Variants in GLB1L observed in about 807,000 individuals in gnomAD.
GLB1L encodes the protein galactosidase beta 1 like, also known as beta-galactosidase-1-like protein.
Under a neutral mutation model 75.7 loss-of-function variants are expected in GLB1L, and 58 were observed. The observed-to-expected ratio is 0.77, with a 90% CI of 0.62 to 0.95. The LOEUF (loss-of-function observed/expected upper bound fraction) is 0.95, where lower values mean the gene tolerates loss of function less well. Ranked by LOEUF, GLB1L falls within the 40% of genes least tolerant of loss-of-function variation. The pLI is 0.00. For missense variants in GLB1L, 797 were observed against 805.5 expected (o/e 0.99, Z 0.13); for synonymous variants, 296 against 303.0 (o/e 0.98, Z 0.24).
Position 219,243,206 on chromosome 2 carries a change from C to A in GLB1L, c.181G>T (p.Val61Leu). ...GSLHYFRVPR[V>L]LWADRLLKMR... ...TTCAAAAGCCGGTCGGCCCAAAGCACCCGCGGTACCCGAAAGTAGTGCAGG... is the reference window on the plus strand; with the variant it reads ...TTCAAAAGCCGGTCGGCCCAAAGCAACCGCGGTACCCGAAAGTAGTGCAGG... The change falls in exon 3 of 17, where the codon GTG (valine) becomes TTG (leucine). Residue 61 changes from valine to leucine, a missense_variant. Transcript: ENST00000295759. 1 of 1,614,066 alleles carries A rather than the reference C, an allele frequency of 6.2e-7. No individual in the cohort carries two copies. Among genetic ancestry groups the A allele is most frequent in the Non-Finnish European group, 8.5e-7 (1 of 1,179,962 alleles).
rs1203130556 is a variant in GLB1L at position 219,242,793 on chromosome 2, G to T, written c.365C>A (p.Pro122His). 1.2e-6 allele frequency: 2 copies of T among 1,614,204 alleles called. No homozygotes were observed. Among genetic ancestry groups the T allele is most frequent in the Non-Finnish European group, 1.7e-6 (2 of 1,180,038 alleles). ...CATCTCCCACTCTGCACAGATGTAA[G>T]GTCCTGGTCTCAGTATGACCAACAG... The part of the protein sequence containing the change: ...ANLLVILRPG[P>H]YICAEWEMGG... Residue 122 changes from proline to histidine, a missense_variant, in exon 4 of 17, where the codon CCT (proline) becomes CAT (histidine). Physicochemically the swap from Pro to His is moderately conservative, Grantham distance 77. Transcript: ENST00000295759.
intron 4 of GLB1L, 45 bp downstream of exon 4, chr2:219,242,723 A>C (rs764740081): frequency 1.2e-6 from 2 of 1,609,566 alleles, no homozygotes; most frequent in East Asian, 4.5e-5. Flanking sequence ...TAGTCTAGGA[A>C]CTGCACAAGG....
In GLB1L at chr2:219,236,604, G is replaced by A; in HGVS notation, c.*468C>T. ...AAAGACAGGGCTAGAGGTATGTGGA[G>A]CTGGTACTGTCTCTGGAATTTTAAT... On this transcript the variant is annotated 3_prime_UTR_variant, in exon 17 of 17. Coordinates refer to ENST00000295759, the MANE Select transcript of GLB1L (RefSeq NM_001286423.2). 4 of 926,474 alleles carry A rather than the reference G, an allele frequency of 4.3e-6. No homozygotes were observed. In the South Asian group the frequency reaches 7.3e-5, roughly 17 times the overall value. 57.4% of individuals were successfully genotyped at this position (926,474 alleles called of 1,614,324 possible).
chr2:219,238,279 G>A lies in GLB1L; in HGVS notation c.1312C>T (p.His438Tyr). The change falls in exon 14 of 17, where the codon CAT becomes TAT. Residue 438 changes from histidine to tyrosine, a missense_variant. His to Tyr is a moderately conservative substitution (Grantham distance 83, BLOSUM62 2). Transcript: ENST00000295759. ...TPFWVPNNGV[H>Y]DRAYVMVDGV... Reference sequence around the variant, plus strand: ...TCCACCATCACATAGGCACGGTCATGGACTCCATTATTTGGCACCCAGAAT... The same window carrying A: ...TCCACCATCACATAGGCACGGTCATAGACTCCATTATTTGGCACCCAGAAT... The A allele has an allele frequency of 1.9e-6, 3 of 1,611,858 alleles. No individual in the cohort carries two copies. The highest frequency in any genetic ancestry group is 2.2e-5 in the South Asian group (2 of 90,870).
At position 219,239,106 on chromosome 2, in the gene GLB1L, C is replaced by A. The variant is rs1227217431; in HGVS notation, c.1048G>T (p.Asp350Tyr). The change falls in exon 11 of 17, where the codon GAT becomes TAT. Residue 350 changes from aspartate to tyrosine, a missense_variant. Physicochemically the swap from Asp to Tyr is radical, Grantham distance 160 (BLOSUM62 -3). Transcript: ENST00000295759. ...TGGTAGGGTACCTTGCTGATGACAT[C>A]TCGAAGAGCAAAAAGCTTAGGTGTG... ...DPTPKLFALR[D>Y]VISKFQEVPL... 4 of 1,609,654 alleles carry A rather than the reference C, an allele frequency of 2.5e-6. No individual in the cohort carries two copies. The highest frequency in any genetic ancestry group is 3.4e-6 in the Non-Finnish European group (4 of 1,176,304).
In GLB1L at chr2:219,243,260, C is replaced by A. The variant is rs773279693; in HGVS notation, c.127G>T (p.Gly43Trp). The A allele has an allele frequency of 2.1e-5, 34 of 1,613,504 alleles. No homozygotes were observed. The highest frequency in any genetic ancestry group is 1.0e-4 in the Admixed American group (6 of 59,948). The change falls in exon 3 of 17, where the codon GGG (glycine) becomes TGG (tryptophan). Residue 43 changes from glycine (G) to tryptophan (W), a missense_variant. Coordinates refer to ENST00000295759, the MANE Select transcript of GLB1L (RefSeq NM_001286423.2). ...DRGHDRFLLD[G>W]APFRYVSGSL... ...CCAGACACATAGCGGAACGGGGCCC[C>A]GTCTAGGAGAAACCGGTCATGACCC...
intron 9 of GLB1L, 22 bp from the exon 10 acceptor site, chr2:219,239,473 G>T: frequency 6.2e-7 from 1 of 1,610,372 alleles, no homozygotes; most frequent in Non-Finnish European, 8.5e-7. Flanking sequence ...GAGGGTGGGG[G>T]AACAGGTAAA....
chr2:219,242,857 C>T lies in GLB1L; in HGVS notation c.301G>A (p.Asp101Asn). 6.2e-7 allele frequency: 1 copy of T among 1,614,186 alleles called. No homozygotes were observed. The highest frequency in any genetic ancestry group is 8.5e-7 in the Non-Finnish European group (1 of 1,180,020). ...GCCTCATTCAGAAAGGCAATGAGGT[C>T]CCGGCTGCCATTAAAGTTATAGACC... ...PGVYNFNGSR[D>N]LIAFLNEAAL... The change falls in exon 4 of 17, where the codon GAC (aspartate) becomes AAC (asparagine). Residue 101 changes from aspartate to asparagine, a missense_variant. Physicochemically the swap from Asp to Asn is conservative, Grantham distance 23. Coordinates refer to ENST00000295759, the MANE Select transcript of GLB1L (RefSeq NM_001286423.2).
rs772491778 is a variant in GLB1L, at chr2:219,238,795, C to T, written c.1063-16G>A. On this transcript the variant is annotated splice_polypyrimidine_tract_variant and intron_variant, in intron 11 of 16. Coordinates refer to ENST00000295759, the MANE Select transcript of GLB1L (RefSeq NM_001286423.2). ...CTTCCTGGAACTGAGCCCAGATTCT[C>T]TCAGGATCCATAGGAAAACCACAGA... 29 of 1,605,522 alleles carry T rather than the reference C, an allele frequency of 1.8e-5. No individual in the cohort carries two copies. The highest frequency in any genetic ancestry group is 2.6e-6 in the Non-Finnish European group (3 of 1,175,714).
Position 219,236,611 on chromosome 2 carries a change from C to A in GLB1L, c.*461G>T. The A allele has an allele frequency of 1.1e-6, 1 of 880,368 alleles. No individual in the cohort carries two copies. Among genetic ancestry groups the A allele is most frequent in the Non-Finnish European group, 1.7e-6 (1 of 599,514 alleles). The allele number at this position is 880,368 out of a possible 1,614,324, so 54.5% of individuals were successfully genotyped here. A position where few individuals can be genotyped will look rare whatever the true frequency, so the allele number is the denominator to read the frequency against. On this transcript the variant is annotated 3_prime_UTR_variant, in exon 17 of 17. Transcript: ENST00000295759. ...GGGCTAGAGGTATGTGGAGCTGGTA[C>A]TGTCTCTGGAATTTTAATCACAATA...
At chr2:219,240,121 C>T in intron 6 of GLB1L, 27 bp from the exon 7 acceptor site, 1 of 1,614,084 alleles carries the variant, frequency 6.2e-7, no homozygotes, top group Non-Finnish European at 8.5e-7. Context: ...AAAGTGGAAC[C>T]CAGCTATGGG....
In GLB1L at chr2:219,243,187, A is replaced by G. The variant is rs1452438825; in HGVS notation, c.200T>C (p.Leu67Pro). Residue 67 changes from leucine (L) to proline (P), a missense_variant, in exon 3 of 17, where the codon CTT becomes CCT. Leu to Pro is a moderately conservative substitution (Grantham distance 98). Coordinates refer to ENST00000295759, the MANE Select transcript of GLB1L (RefSeq NM_001286423.2). ...GAGGCCGCTCCATCGCATCTTCAAA[A>G]GCCGGTCGGCCCAAAGCACCCGCGG... Reference protein sequence around the residue: ...RVPRVLWADRLLKMRWSGLNA... With the variant: ...RVPRVLWADRPLKMRWSGLNA... The G allele has an allele frequency of 6.2e-7, 1 of 1,613,368 alleles. No homozygotes were observed. Among genetic ancestry groups the G allele is most frequent in the East Asian group, 2.2e-5 (1 of 44,870 alleles).
In GLB1L at chr2:219,243,488, C is replaced by A; in HGVS notation, c.72+14G>T. The A allele has an allele frequency of 3.7e-6, 6 of 1,614,102 alleles. No homozygotes were observed. The highest frequency in any genetic ancestry group is 5.1e-6 in the Non-Finnish European group (6 of 1,179,920). On this transcript the variant is annotated intron_variant, in intron 2 of 16. Transcript: ENST00000295759. Reference sequence around the variant, plus strand: ...TCACCGCACCCGGCAGGCTGGTTCACCGTCTCATCTTACCTGGGGCAGCAG... The same window carrying A: ...TCACCGCACCCGGCAGGCTGGTTCAACGTCTCATCTTACCTGGGGCAGCAG...
chr2:219,237,930 T>C lies in GLB1L; in HGVS notation c.1369A>G (p.Met457Val), dbSNP rs1387280613. The C allele has an allele frequency of 1.9e-6, 3 of 1,614,132 alleles. No homozygotes were observed. The highest frequency in any genetic ancestry group is 3.3e-5 in the Admixed American group (2 of 60,014). ...GVFQGVVERN[M>V]RDKLFLTGKL... ...CCCGTCAAAAATAGTTTGTCTCTCA[T>C]ATTTCGCTCCACAACACCCTGGAAC... is the stretch of plus-strand genomic sequence containing the variant. Residue 457 changes from methionine (M) to valine (V), a missense_variant, in exon 15 of 17, where the codon ATG becomes GTG. Coordinates refer to ENST00000295759, the MANE Select transcript of GLB1L (RefSeq NM_001286423.2).
chr2:219,239,861 T>A, intron 7 of GLB1L, 28 bp from the exon 8 acceptor site: 1 of 1,614,124 alleles, frequency 6.2e-7, no homozygotes, highest in Non-Finnish European at 8.5e-7. Context: ...AAGAAAAAGA[T>A]AAATGTCGTG....
At chr2:219,245,171 G>C (rs1361669523) in intron 1 of GLB1L, 58 bp downstream of exon 1, 2 of 152,442 alleles carry the variant, frequency 1.3e-5, no homozygotes, top group Non-Finnish European at 2.9e-5. Context: ...CCCCCTCCAG[G>C]CTGCAGTGTA....
chr2:219,237,885 C>A lies in GLB1L; in HGVS notation c.1414G>T (p.Asp472Tyr). 6.2e-7 allele frequency: 1 copy of A among 1,614,146 alleles called. No individual in the cohort carries two copies. The highest frequency in any genetic ancestry group is 8.5e-7 in the Non-Finnish European group (1 of 1,180,028). The change falls in exon 15 of 17, where the codon GAT becomes TAT. Residue 472 changes from aspartate to tyrosine, a missense_variant. Physicochemically the swap from Asp to Tyr is radical, Grantham distance 160. Coordinates refer to ENST00000295759, the MANE Select transcript of GLB1L (RefSeq NM_001286423.2). The stretch of plus-strand genomic sequence containing the variant: ...CTCCCCATGTTCTCCACCAAGATAT[C>A]CAGTTTGGACCCCAGTTTCCCCGTC... ...FLTGKLGSKL[D>Y]ILVENMGRLS...
At chr2:219,237,992 G>C in intron 14 of GLB1L, 35 bp from the exon 15 acceptor site, 3 of 1,611,048 alleles carry the variant, frequency 1.9e-6, no homozygotes, top group South Asian at 1.1e-5. Flanking sequence ...GCAAGGCTCA[G>C]CATCTAGCTC....
chr2:219,240,698 TG>T (rs1486902753), intron 5 of GLB1L, among the ~76,000 whole-genome samples: 1 of 151,810 alleles, frequency 6.6e-6, no homozygotes, highest in Non-Finnish European at 1.5e-5. Flanking sequence ...GAGCCGAGAC[TG>T]CACCACTGCA....
Sources: allele counts gnomAD v4.1 joint callset (sites outside exome capture counted in the v4.1 genomes callset), GRCh38; gene constraint gnomAD v4.1.1; transcripts MANE v1.5; gene names NCBI Gene and HGNC (gene_info 2026-07-23, HGNC 2026-07-21).